Variants in TIMM10 observed in about 807,000 individuals in gnomAD.
TIMM10 encodes the protein translocase of inner mitochondrial membrane 10, also known as mitochondrial import inner membrane translocase subunit Tim10.
TIMM10 carries 13 observed loss-of-function variants against 9.1 expected under a neutral mutation model. The ratio of observed to expected loss-of-function variants is 1.42; its 90% CI spans 0.93 to 2.26. The LOEUF (loss-of-function observed/expected upper bound fraction) is 2.26, where lower values mean the gene tolerates loss of function less well. TIMM10 is among the 30% of genes most tolerant of loss of function. The pLI is 0.00. For synonymous variants in TIMM10, 40 were observed against 42.1 expected (o/e 0.95, Z 0.20); for missense variants, 82 against 113.6 (o/e 0.72, Z 1.26).
intron 1 of TIMM10, 162 bp from the exon 2 acceptor site, chr11:57,530,396 C>A: frequency 1.8e-6 from 1 of 554,884 alleles, no homozygotes; most frequent in East Asian, 3.0e-5. Flanking sequence ...GAGGCCTAGC[C>A]CAAGGTCGCA....
At chr11:57,529,565 G>A (rs1944779427) in intron 2 of TIMM10, among the ~76,000 whole-genome samples, 1 of 152,202 alleles carries the variant, frequency 6.6e-6, no homozygotes, top group Admixed American at 6.5e-5. Flanking sequence ...GATTGGTGGA[G>A]CCAGGATTTG....
intron 1 of TIMM10, among the ~76,000 whole-genome samples, 155 bp downstream of exon 1, chr11:57,530,503 G>A (rs952398706): frequency 1.3e-5 from 2 of 152,088 alleles, no homozygotes; most frequent in Non-Finnish European, 2.9e-5. Context: ...GACCGGAGGA[G>A]AACTCTCTAA....
intron 1 of TIMM10, 65 bp from the exon 2 acceptor site, chr11:57,530,299 G>A: frequency 1.8e-6 from 2 of 1,107,020 alleles, no homozygotes; most frequent in East Asian, 2.5e-5. Context: ...TGGGGCTAGA[G>A]GATACAGAGG....
At chr11:57,529,218 A>G (rs1250433704) in intron 2 of TIMM10, among the ~76,000 whole-genome samples, 2 of 152,212 alleles carry the variant, frequency 1.3e-5, no homozygotes, top group Non-Finnish European at 2.9e-5. Context: ...ATGTATCCCC[A>G]TTTTACAGAT....
In TIMM10 at chr11:57,528,816, G is replaced by C. The variant is rs747179826; in HGVS notation, c.174C>G (p.Tyr58Ter). 6.2e-7 allele frequency: 1 copy of C among 1,614,068 alleles called. No individual in the cohort carries two copies. The highest frequency in any genetic ancestry group is 8.5e-7 in the Non-Finnish European group (1 of 1,180,028). Residue 58 changes from tyrosine to a stop codon, truncating the protein, a stop_gained, in exon 3 of 3, where the codon TAC becomes TAG. Coordinates refer to ENST00000257245, the MANE Select transcript of TIMM10 (RefSeq NM_012456.3). LOFTEE classifies it high-confidence loss of function. Reference protein sequence around the residue: ...SVCLDRCVSKYLDIHERMGKK... With the variant: ...SVCLDRCVSK Reference sequence around the variant, plus strand: ...TGCCCATCCGCTCATGGATGTCCAGGTACTTAGAGACACATCGGTCCAGGC... The same window carrying C: ...TGCCCATCCGCTCATGGATGTCCAGCTACTTAGAGACACATCGGTCCAGGC...
rs781166779 is a variant in TIMM10, at chr11:57,528,832, C to T, written c.158G>A (p.Arg53Gln). 4 of 1,613,952 alleles carry T rather than the reference C, an allele frequency of 2.5e-6. No homozygotes were observed. The highest frequency in any genetic ancestry group is 2.2e-5 in the East Asian group (1 of 44,890). ...LSKGESVCLD[R>Q]CVSKYLDIHE... ...GATGTCCAGGTACTTAGAGACACAT[C>T]GGTCCAGGCACACAGACTCGCCCTT... is the stretch of plus-strand genomic sequence containing the variant. The change falls in exon 3 of 3, where the codon CGA (arginine) becomes CAA (glutamine). Residue 53 changes from arginine to glutamine, a missense_variant. Transcript: ENST00000257245.
intron 2 of TIMM10, 114 bp from the exon 3 acceptor site, chr11:57,529,032 T>C: frequency 6.1e-6 from 7 of 1,144,414 alleles, no homozygotes; most frequent in Non-Finnish European, 8.8e-6. Context: ...GCAGTGTAAA[T>C]CCTCAGTTTA....
Position 57,530,688 on chromosome 11 carries a change from G to C in TIMM10, c.-76C>G, listed in dbSNP as rs1420359348. The C allele has an allele frequency of 6.5e-6, 1 of 153,918 alleles. No individual in the cohort carries two copies. The highest frequency in any genetic ancestry group is 2.4e-5 in the African/African-American group (1 of 41,482). The allele number at this position is 153,918 out of a possible 1,614,324, so 9.5% of individuals were successfully genotyped here. Reference sequence around the variant, plus strand: ...CCTGGGACGGATCACAATGCCCACGGAGACCCCAACTTCTGACAAATACTA... The same window carrying C: ...CCTGGGACGGATCACAATGCCCACGCAGACCCCAACTTCTGACAAATACTA... On this transcript the variant is annotated 5_prime_UTR_variant, in exon 1 of 3. Coordinates refer to ENST00000257245, the MANE Select transcript of TIMM10 (RefSeq NM_012456.3).
Sources: allele counts gnomAD v4.1 joint callset (sites outside exome capture counted in the v4.1 genomes callset), GRCh38; gene constraint gnomAD v4.1.1; transcripts MANE v1.5; gene names NCBI Gene and HGNC (gene_info 2026-07-23, HGNC 2026-07-21).